Variants in RAP1A observed in about 807,000 individuals in gnomAD.
RAP1A encodes RAP1A, member of RAS oncogene family, also known as ras-related protein Rap-1A.
RAP1A carries 6 observed loss-of-function variants against 26.4 expected under a neutral mutation model. The observed-to-expected ratio is 0.23, with a 90% confidence interval of 0.12 to 0.45. The LOEUF (loss-of-function observed/expected upper bound fraction) is 0.45, where lower values mean the gene tolerates loss of function less well. RAP1A is among the 20% of genes least tolerant of loss of function. The pLI is 0.99. For synonymous variants in RAP1A, 73 were observed against 79.4 expected (o/e 0.92, Z 0.43); for missense variants, 121 against 217.2 (o/e 0.56, Z 2.78).
At chr1:111,583,517 G>A (rs1488879949) in intron 1 of RAP1A, among the ~76,000 whole-genome samples, 1 of 151,194 alleles carries the variant, frequency 6.6e-6, no homozygotes, top group African/African-American at 2.4e-5. Flanking sequence ...TCATTTTCAG[G>A]TCACGAGTTC....
intron 2 of RAP1A, among the ~76,000 whole-genome samples, chr1:111,693,028 A>G (rs1661715031): frequency 6.6e-6 from 1 of 152,150 alleles, no homozygotes; most frequent in Non-Finnish European, 1.5e-5. Flanking sequence ...CTAGGGAGAT[A>G]CTAGAGAGAG....
In RAP1A at chr1:111,682,860, A is replaced by G. The variant is rs528458557; in HGVS notation, c.-27-8474A>G. Among the ~76,000 whole-genome samples, 3 of 152,336 alleles carry G rather than the reference A, an allele frequency of 2.0e-5. No homozygotes were observed. The East Asian group carries it at 5.8e-4, about 29-fold the overall frequency. ...CTACAGAACCGTCCACCCCAAATCA[A>G]CAGAATATACATTCTTCTCAGCACC... On this transcript the variant is annotated intron_variant, in intron 1 of 7. Transcript: ENST00000369709.
At chr1:111,578,732 T>C (rs889264176) in intron 1 of RAP1A, among the ~76,000 whole-genome samples, 1 of 152,202 alleles carries the variant, frequency 6.6e-6, no homozygotes, top group Non-Finnish European at 1.5e-5. Flanking sequence ...TAGAATCCAA[T>C]TCTGATTCTA....
chr1:111,648,638 A>G (rs1660158004), intron 1 of RAP1A: 3 of 519,114 alleles, frequency 5.8e-6, no homozygotes, highest in Non-Finnish European at 7.2e-6. Context: ...TGGCCTTCAC[A>G]TTTCTCACTG....
intron 1 of RAP1A, chr1:111,649,238 C>A: frequency 2.1e-6 from 1 of 481,510 alleles, no homozygotes; most frequent in Non-Finnish European, 4.1e-6. Context: ...TCTCCAGGTG[C>A]TCCTGGATTT....
chr1:111,684,727 A>G (rs959782021), intron 1 of RAP1A, among the ~76,000 whole-genome samples: 1 of 123,328 alleles, frequency 8.1e-6, no homozygotes, highest in Non-Finnish European at 1.7e-5. Context: ...TTATAGATTC[A>G]GTGCTCCCCA....
chr1:111,641,017 CAA>C, intron 1 of RAP1A, among the ~76,000 whole-genome samples: 1 of 151,948 alleles, frequency 6.6e-6, no homozygotes, highest in African/African-American at 2.4e-5. Flanking sequence ...AAAAGGAATA[CAA>C]GTAATGCCCT....
At chr1:111,650,181 G>A (rs1660221124) in intron 1 of RAP1A, among the ~76,000 whole-genome samples, 1 of 139,092 alleles carries the variant, frequency 7.2e-6, no homozygotes, top group Non-Finnish European at 1.5e-5. Flanking sequence ...GACAGATAGT[G>A]TCACTCCTAC....
At chr1:111,651,533 G>A (rs1660270280) in intron 1 of RAP1A, among the ~76,000 whole-genome samples, 1 of 143,034 alleles carries the variant, frequency 7.0e-6, no homozygotes, top group South Asian at 2.2e-4. Flanking sequence ...CTATAGTGCA[G>A]TGGCACGATC....
At chr1:111,676,334 G>T (rs1661123553) in intron 1 of RAP1A, among the ~76,000 whole-genome samples, 1 of 152,154 alleles carries the variant, frequency 6.6e-6, no homozygotes, top group African/African-American at 2.4e-5. Flanking sequence ...CTGGGTTATA[G>T]AGAGAGACTC....
chr1:111,547,483 TA>T (rs905136661), intron 1 of RAP1A, among the ~76,000 whole-genome samples: 14 of 152,108 alleles, frequency 9.2e-5, no homozygotes, highest in African/African-American at 2.4e-4. Context: ...AAAATGGAGT[TA>T]AAAAATATAA....
intron 4 of RAP1A, among the ~76,000 whole-genome samples, chr1:111,698,848 C>T (rs531459633): frequency 6.6e-6 from 1 of 152,218 alleles, no homozygotes; most frequent in African/African-American, 2.4e-5. Context: ...CTCTCCCTCT[C>T]CCACCCTCCT....
intron 1 of RAP1A, among the ~76,000 whole-genome samples, chr1:111,669,741 A>G (rs1445300789): frequency 6.6e-6 from 1 of 152,242 alleles, no homozygotes; most frequent in African/African-American, 2.4e-5. Flanking sequence ...AAGTAGATAC[A>G]GTATTTAAGG....
At chr1:111,671,465 T>C (rs1306536057) in intron 1 of RAP1A, among the ~76,000 whole-genome samples, 1 of 151,144 alleles carries the variant, frequency 6.6e-6, no homozygotes, top group Non-Finnish European at 1.5e-5. Context: ...TATACTATTT[T>C]CTTTTCTTTC....
rs567304038 is a variant in RAP1A at position 111,620,185 on chromosome 1, T to C, written c.-28+251T>C. Among the ~76,000 whole-genome samples, 672 of 152,202 alleles carry C rather than the reference T, an allele frequency of 4.4e-3. 6 individuals carry two copies. The highest frequency in any genetic ancestry group is 0.016 in the African/African-American group (648 of 41,540). On this transcript the variant is annotated intron_variant, in intron 1 of 7. Coordinates refer to ENST00000369709, the MANE Select transcript of RAP1A (RefSeq NM_002884.4). ...GGACCGACCCGGTCGACTGTAGGCC[T>C]GCGGGAGACCGTCGGGAGGGGCCCC... is the stretch of plus-strand genomic sequence containing the variant.
intron 1 of RAP1A, among the ~76,000 whole-genome samples, chr1:111,645,996 C>T (rs1363687473): frequency 2.0e-5 from 3 of 152,174 alleles, no homozygotes; most frequent in Admixed American, 2.0e-4. Flanking sequence ...CACACGTGCA[C>T]ACGTGTTTAT....
At position 111,655,658 on chromosome 1, in the gene RAP1A, CTT is replaced by C. The variant is rs34266778; in HGVS notation, c.-27-35650_-27-35649del. The stretch of plus-strand genomic sequence containing the variant: ...GAAGAACCTTAAAAATGTTCATAGT[CTT>C]TTTTTTTTTTTTTTTTTTTTTTTTT... On this transcript the variant is annotated intron_variant, in intron 1 of 7. Transcript: ENST00000369709. Among the ~76,000 whole-genome samples the C allele has an allele frequency of 1.8e-4, 15 of 85,160 alleles. No homozygotes were observed. The East Asian group carries it at 5.6e-3, about 32-fold the overall frequency. The allele number at this position is 85,160 out of a possible 152,430, so 55.9% of individuals were successfully genotyped here. A position where few individuals can be genotyped will look rare whatever the true frequency, so the allele number is the denominator to read the frequency against.
chr1:111,665,345 G>C (rs1660771683), intron 1 of RAP1A, among the ~76,000 whole-genome samples: 1 of 152,126 alleles, frequency 6.6e-6, no homozygotes, highest in Admixed American at 6.5e-5. Flanking sequence ...GCTGTTAAGG[G>C]AATAAAGTTA....
intron 1 of RAP1A, among the ~76,000 whole-genome samples, chr1:111,655,372 TAGAAC>T (rs1298648529): frequency 6.6e-6 from 1 of 150,978 alleles, no homozygotes; most frequent in Non-Finnish European, 1.5e-5. Flanking sequence ...TCTTAATAAA[TAGAAC>T]AGACTGCTTG....
Sources: gnomAD v4.1 joint callset for allele counts (sites outside exome capture counted in the v4.1 genomes callset) on GRCh38, gnomAD v4.1.1 for gene constraint, MANE v1.5 for transcripts, NCBI Gene and HGNC (gene_info 2026-07-23, HGNC 2026-07-21) for gene names.